Variants in TAMM41 observed in about 807,000 individuals in gnomAD.
TAMM41 encodes the protein TAM41 mitochondrial translocator assembly and maintenance homolog.
A neutral mutation model predicts 44.1 loss-of-function variants in TAMM41; 36 were observed. The observed-to-expected ratio is 0.82, with a 90% CI of 0.63 to 1.08. The LOEUF (loss-of-function observed/expected upper bound fraction) is 1.08. Among genes scored for constraint, TAMM41 ranks in the 50% least tolerant of loss-of-function variants. TAMM41 has a pLI of 0.00. For missense variants in TAMM41, 417 were observed against 404.3 expected (o/e 1.03, Z -0.27); for synonymous variants, 164 against 153.1 (o/e 1.07, Z -0.53).
intron 5 of TAMM41, among the ~76,000 whole-genome samples, chr3:11,811,931 GTTA>G (rs1231902352): frequency 1.3e-5 from 2 of 152,098 alleles, no homozygotes; most frequent in East Asian, 3.9e-4. Context: ...CTAATATTTT[GTTA>G]TTATTATTTT....
chr3:11,800,353 T>G (rs2077717192), intron 7 of TAMM41, among the ~76,000 whole-genome samples: 1 of 152,114 alleles, frequency 6.6e-6, no homozygotes, highest in East Asian at 1.9e-4. Context: ...ATGCTTCATT[T>G]AAAAGATACA....
At chr3:11,809,388 TTTC>T (rs2078017268) in intron 6 of TAMM41, 126 bp downstream of exon 6, 1 of 1,095,080 alleles carries the variant, frequency 9.1e-7, no homozygotes, top group African/African-American at 1.6e-5. Flanking sequence ...TTTTTAGTGC[TTTC>T]TTCTTCTGAG....
At chr3:11,759,068 A>G in the TAMM41 span, among the ~76,000 whole-genome samples, 712 of 152,234 alleles carry the variant, frequency 4.7e-3, no homozygotes, top group Middle Eastern at 0.01. Context: ...AATCTCCCCA[A>G]ATCCCATTAA....
At chr3:11,727,013 G>T in the TAMM41 span, among the ~76,000 whole-genome samples, 1 of 151,952 alleles carries the variant, frequency 6.6e-6, no homozygotes, top group Non-Finnish European at 1.5e-5. Context: ...AGAGAGGAAA[G>T]AATAAGAAAT....
In TAMM41 at chr3:11,823,895, G is replaced by A. The variant is rs1409237211; in HGVS notation, c.562+5819C>T. ...GGCTGGAGTGCAGTGGCATGATCTC[G>A]GCTCACTGCAACCTCCGAATCCTGG... On this transcript the variant is annotated intron_variant, in intron 4 of 7. Coordinates refer to ENST00000455809, the MANE Select transcript of TAMM41 (RefSeq NM_001284401.2). 1.7e-4 allele frequency among the ~76,000 whole-genome samples: 24 copies of A among 142,016 alleles called. No homozygotes were observed. In the East Asian group the frequency reaches 3.2e-3, roughly 19 times the overall value. The allele number at this position is 142,016 out of a possible 152,430, so 93.2% of individuals were successfully genotyped here.
At position 11,807,896 on chromosome 3, in the gene TAMM41, C is replaced by G; in HGVS notation, c.875-1G>C. 2.0e-6 allele frequency: 3 copies of G among 1,508,822 alleles called. No homozygotes were observed. In the South Asian group the frequency reaches 3.8e-5, roughly 19 times the overall value. The allele number at this position is 1,508,822 out of a possible 1,614,324, so 93.5% of individuals were successfully genotyped here. ...GACGGTCTCACGATTGCTGAAAGCC[C>G]TGCGAGAAAAAAACCAAAAAGGAGA... On this transcript the variant is annotated splice_acceptor_variant, in intron 6 of 7. Coordinates refer to ENST00000455809, the MANE Select transcript of TAMM41 (RefSeq NM_001284401.2). LOFTEE classifies it high-confidence loss of function.
At chr3:11,779,595 G>C in the TAMM41 span, among the ~76,000 whole-genome samples, 2 of 152,082 alleles carry the variant, frequency 1.3e-5, no homozygotes, top group Admixed American at 6.6e-5. Flanking sequence ...TACCTCTCAG[G>C]TTTGTTTGTT....
At chr3:11,833,180 G>C in intron 3 of TAMM41, 1 of 1,277,422 alleles carries the variant, frequency 7.8e-7, no homozygotes, top group South Asian at 1.3e-5. Context: ...GCTCAGATTT[G>C]TGAATAGCTG....
At chr3:11,745,260 G>A in the TAMM41 span, among the ~76,000 whole-genome samples, 1 of 152,210 alleles carries the variant, frequency 6.6e-6, no homozygotes, top group Middle Eastern at 3.2e-3. Flanking sequence ...GAGCACAGGA[G>A]GCCTAGGGTG....
At chr3:11,792,415 G>A (rs1361507172) in intron 7 of TAMM41, among the ~76,000 whole-genome samples, 1 of 152,128 alleles carries the variant, frequency 6.6e-6, no homozygotes, top group Non-Finnish European at 1.5e-5. Context: ...AATAGATGAG[G>A]GGTTCTCTAA....
intron 3 of TAMM41, among the ~76,000 whole-genome samples, chr3:11,838,347 C>T (rs1418254725): frequency 4.6e-5 from 7 of 152,208 alleles, no homozygotes; most frequent in Non-Finnish European, 7.3e-5. Flanking sequence ...CCCCCAGTAG[C>T]TGGGATTGCA....
downstream of TAMM41, among the ~76,000 whole-genome samples, chr3:11,790,208 G>A (rs968959813): frequency 1.3e-5 from 2 of 152,174 alleles, no homozygotes; most frequent in East Asian, 3.9e-4. Flanking sequence ...CAGCATACAA[G>A]AAATTTGTCA....
chr3:11,784,450 G>C, the TAMM41 span, among the ~76,000 whole-genome samples: 1 of 152,258 alleles, frequency 6.6e-6, no homozygotes, highest in Non-Finnish European at 1.5e-5. Flanking sequence ...AGCCAAGATC[G>C]TGCCACTGCA....
the TAMM41 span, among the ~76,000 whole-genome samples, chr3:11,779,613 T>C: frequency 1.3e-5 from 2 of 150,394 alleles, no homozygotes; most frequent in African/African-American, 4.9e-5. Flanking sequence ...GTTCTCTTCA[T>C]GCTGGTGTTT....
chr3:11,737,538 T>G, the TAMM41 span, among the ~76,000 whole-genome samples: 1 of 152,024 alleles, frequency 6.6e-6, no homozygotes, highest in Non-Finnish European at 1.5e-5. Flanking sequence ...CAGGTTGGTC[T>G]CGAACTCCTG....
At chr3:11,782,763 C>T in the TAMM41 span, among the ~76,000 whole-genome samples, 1 of 152,166 alleles carries the variant, frequency 6.6e-6, no homozygotes, top group African/African-American at 2.4e-5. Flanking sequence ...TTTATTCCTC[C>T]CCACACGGTT....
the TAMM41 span, among the ~76,000 whole-genome samples, chr3:11,725,311 T>G: frequency 1.0e-5 from 1 of 97,948 alleles, no homozygotes; most frequent in African/African-American, 3.8e-5. Context: ...CCTCCTTTTT[T>G]TCTTCTCCTC....
chr3:11,786,787 TCTCA>T (rs1174224927), downstream of TAMM41, among the ~76,000 whole-genome samples: 1 of 151,614 alleles, frequency 6.6e-6, no homozygotes, highest in Non-Finnish European at 1.5e-5. Flanking sequence ...GATGCGGAAG[TCTCA>T]CTATGTTGCC....
chr3:11,838,073 A>C (rs1575714795), intron 3 of TAMM41, among the ~76,000 whole-genome samples: 1 of 152,190 alleles, frequency 6.6e-6, no homozygotes, highest in African/African-American at 2.4e-5. Flanking sequence ...CAGTTCCACA[A>C]GCCTCCCCCA....
Sources: gnomAD v4.1 joint callset for allele counts (sites outside exome capture counted in the v4.1 genomes callset) on GRCh38, gnomAD v4.1.1 for gene constraint, MANE v1.5 for transcripts, NCBI Gene and HGNC (gene_info 2026-07-23, HGNC 2026-07-21) for gene names.